Variants in NOTCH3 observed in about 807,000 individuals in gnomAD.
NOTCH3 encodes notch receptor 3.
NOTCH3 carries 86 observed loss-of-function variants against 213.3 expected under a neutral mutation model. The ratio of observed to expected loss-of-function variants is 0.40; its 90% CI spans 0.34 to 0.48. NOTCH3 has a LOEUF of 0.48. NOTCH3 is among the 20% of genes least tolerant of loss of function. NOTCH3 has a pLI of 0.57. For missense variants in NOTCH3, 2,783 were observed against 3,272.6 expected, an observed-to-expected ratio of 0.85 and a Z score of 3.65; for synonymous variants, 1,354 against 1,355.9, an observed-to-expected ratio of 1.00 and a Z score of 0.03.
intron 19 of NOTCH3, 114 bp from the exon 20 acceptor site, chr19:15,180,370 A>C: frequency 8.5e-7 from 1 of 1,179,932 alleles, no homozygotes; most frequent in African/African-American, 1.5e-5. Context: ...GATCGCACCC[A>C]CACTCCATCA....
In NOTCH3 at chr19:15,180,665, A is replaced by C. The variant is rs2145421357; in HGVS notation, c.3142+16T>G. ...TTCCCAAGGCCCCACACGCCCGCCC[A>C]CATGCTCCCACTCACCGATCTGGGC... On this transcript the variant is annotated intron_variant, in intron 19 of 32. Transcript: ENST00000263388. 1.3e-6 allele frequency: 2 copies of C among 1,547,744 alleles called. No homozygotes were observed. Among genetic ancestry groups the C allele is most frequent in the Non-Finnish European group, 1.7e-6 (2 of 1,148,478 alleles).
At chr19:15,166,747 C>T (rs144017621) in intron 29 of NOTCH3, among the ~76,000 whole-genome samples, 12 of 152,322 alleles carry the variant, frequency 7.9e-5, no homozygotes, top group African/African-American at 2.9e-4. Context: ...TCTTAGGGAG[C>T]CACTTGCATC....
At chr19:15,197,441 G>GCCGCGC in intron 2 of NOTCH3, 59 bp downstream of exon 2, 1 of 768,364 alleles carries the variant, frequency 1.3e-6, no homozygotes. Flanking sequence ...AAGACAAATC[G>GCCGCGC]CCCCTCCCCC....
At chr19:15,173,104 CTTT>C (rs1162467192) in intron 25 of NOTCH3, among the ~76,000 whole-genome samples, 3 of 19,252 alleles carry the variant, frequency 1.6e-4, no homozygotes, top group African/African-American at 1.1e-3. Flanking sequence ...TCTTCTTCTT[CTTT>C]TTTTTTTTTT....
rs2046833376 is a variant in NOTCH3, at chr19:15,180,782, C to A, written c.3041G>T (p.Arg1014Leu). Residue 1014 changes from arginine to leucine, a missense_variant, in exon 19 of 33, where the codon CGC becomes CTC. This residue lies in a region of NOTCH3 where 861 missense variants were observed against 909.1 expected (regional missense o/e 0.95). Transcript: ENST00000263388. ...GCAATAGGCCCCAGTCTGGACGCAG[C>A]GACCCCCGTTTTGACAAGGCTGGCG... is the stretch of plus-strand genomic sequence containing the variant. Reference protein sequence around the residue: ...CSRQPCQNGGRCVQTGAYCLC... With the variant: ...CSRQPCQNGGLCVQTGAYCLC... 6.2e-7 allele frequency: 1 copy of A among 1,608,382 alleles called. No individual in the cohort carries two copies. Among genetic ancestry groups the A allele is most frequent in the Non-Finnish European group, 8.5e-7 (1 of 1,177,904 alleles).
At chr19:15,177,003 CGGA>C (rs2145413425) in intron 24 of NOTCH3, among the ~76,000 whole-genome samples, 1 of 140,198 alleles carries the variant, frequency 7.1e-6, no homozygotes, top group East Asian at 2.3e-4. Flanking sequence ...ACCCGGGAGG[CGGA>C]GGTTGCAGTG....
chr19:15,176,264 G>T (rs2046789337), intron 24 of NOTCH3, among the ~76,000 whole-genome samples: 1 of 150,830 alleles, frequency 6.6e-6, no homozygotes, highest in Admixed American at 6.6e-5. Flanking sequence ...CACCTCCCAG[G>T]TTCAAGCAAT....
intron 31 of NOTCH3, 39 bp from the exon 32 acceptor site, chr19:15,162,601 T>C: frequency 6.5e-7 from 1 of 1,538,298 alleles, no homozygotes. Context: ...ACCAGGCACC[T>C]GTCCTGGGGC....
At chr19:15,176,623 C>T (rs1201413766) in intron 24 of NOTCH3, among the ~76,000 whole-genome samples, 1 of 151,736 alleles carries the variant, frequency 6.6e-6, no homozygotes, top group African/African-American at 2.4e-5. Flanking sequence ...GTTACCCGGG[C>T]GCGGTGGCTC....
rs2046925676 is a variant in NOTCH3 at position 15,191,450 on chromosome 19, T to C, written c.1010A>G (p.Tyr337Cys). The C allele has an allele frequency of 1.2e-6, 2 of 1,613,228 alleles. No homozygotes were observed. Among genetic ancestry groups the C allele is most frequent in the Non-Finnish European group, 1.7e-6 (2 of 1,179,988 alleles). Reference sequence around the variant, plus strand: ...AGTCTTGCCCATGGGGCAGGCACAGTAGAAAGAAGCCACGCGGTCATGGCA... The same window carrying C: ...AGTCTTGCCCATGGGGCAGGCACAGCAGAAAGAAGCCACGCGGTCATGGCA... ...ATCHDRVASF[Y>C]CACPMGKTGL... The change falls in exon 6 of 33, where the codon TAC becomes TGC. Residue 337 changes from tyrosine to cysteine, a missense_variant. Physicochemically the swap from Tyr to Cys is radical, Grantham distance 194. Transcript: ENST00000263388.
intron 2 of NOTCH3, among the ~76,000 whole-genome samples, chr19:15,192,937 C>G (rs192566614): frequency 3.7e-4 from 57 of 152,052 alleles, no homozygotes; most frequent in African/African-American, 1.4e-3. Flanking sequence ...CAAAACAAAA[C>G]ACACATTCAT....
chr19:15,178,917 G>T lies in NOTCH3; in HGVS notation c.3743C>A (p.Ser1248Tyr). 6.2e-7 allele frequency: 1 copy of T among 1,613,692 alleles called. No homozygotes were observed. Among genetic ancestry groups the T allele is most frequent in the African/African-American group, 1.3e-5 (1 of 75,050 alleles). Residue 1248 changes from serine (S) to tyrosine (Y), a missense_variant, in exon 23 of 33, where the codon TCT becomes TAT. Physicochemically the swap from Ser to Tyr is moderately radical, Grantham distance 144. Around this residue, in one of 6 missense-constraint regions of NOTCH3, gnomAD observed 861 missense variants for 909.1 expected, o/e 0.95. Coordinates refer to ENST00000263388, the MANE Select transcript of NOTCH3 (RefSeq NM_000435.3). ...CTGGCATGGCTGGGACTCGCAGGGA[G>T]ACAGGACAGTCTGACAGCGAGGACC... ...FSGPRCQTVL[S>Y]PCESQPCQHG...
At position 15,185,160 on chromosome 19, in the gene NOTCH3, A is replaced by G. The variant is rs1045762255; in HGVS notation, c.2296+97T>C. ...CTGGAGGGAAATGATTGAAAGCAAA[A>G]AAGAAGCTAACATAGCGGGAGGAGA... On this transcript the variant is annotated intron_variant, in intron 14 of 32. Coordinates refer to ENST00000263388, the MANE Select transcript of NOTCH3 (RefSeq NM_000435.3). This position sits in a 1 kb window ranked among gnomAD's most constrained non-coding sequence, Gnocchi z 4.2. 3.3e-6 allele frequency: 5 copies of G among 1,523,532 alleles called. No homozygotes were observed. The highest frequency in any genetic ancestry group is 1.9e-4 in the Middle Eastern group (1 of 5,234). The allele number at this position is 1,523,532 out of a possible 1,614,324, so 94.4% of individuals were successfully genotyped here. A position where few individuals can be genotyped will look rare whatever the true frequency, so the allele number is the denominator to read the frequency against.
intron 29 of NOTCH3, 102 bp from the exon 30 acceptor site, chr19:15,166,193 A>AACT: frequency 1.0e-6 from 1 of 1,002,344 alleles, no homozygotes; most frequent in Non-Finnish European, 1.5e-6. Context: ...CACATGGAAA[A>AACT]ATGACAATTA....
At chr19:15,168,470 T>C (rs2046703642) in intron 28 of NOTCH3, among the ~76,000 whole-genome samples, 3 of 152,140 alleles carry the variant, frequency 2.0e-5, no homozygotes, top group Admixed American at 2.0e-4. Context: ...TTTATGTGCA[T>C]TAGAGACATT....
intron 16 of NOTCH3, among the ~76,000 whole-genome samples, chr19:15,183,060 A>G (rs1266012420): frequency 6.6e-6 from 1 of 152,142 alleles, no homozygotes; most frequent in East Asian, 1.9e-4. Context: ...AGACCAGCCT[A>G]GACAACGCAG....
In NOTCH3 at chr19:15,181,564, G is replaced by C. The variant is rs2145423764; in HGVS notation, c.2792+12C>G. The stretch of plus-strand genomic sequence containing the variant: ...CCAGAGTCCCTGCTCTCCAAGCAGA[G>C]GCCCCGCCCACCTGGGGCTGCAGTC... On this transcript the variant is annotated intron_variant, in intron 17 of 32. Transcript: ENST00000263388. 3.2e-6 allele frequency: 5 copies of C among 1,548,408 alleles called. No homozygotes were observed. The East Asian group carries it at 1.2e-4, about 38-fold the overall frequency.
chr19:15,186,385 G>A (rs756538728), intron 12 of NOTCH3, among the ~76,000 whole-genome samples: 1 of 4,406 alleles, frequency 2.3e-4, no homozygotes, highest in Non-Finnish European at 7.1e-4. Context: ...TTGTATGTGT[G>A]TGTGTGTGTG....
intron 2 of NOTCH3, among the ~76,000 whole-genome samples, chr19:15,196,983 G>A (rs1393552420): frequency 6.6e-6 from 1 of 152,084 alleles, no homozygotes; most frequent in East Asian, 1.9e-4. Flanking sequence ...TATTTCACAG[G>A]TGCAATGATG....
Sources: gnomAD v4.1 joint callset for allele counts (sites outside exome capture counted in the v4.1 genomes callset) on GRCh38, gnomAD v4.1.1 for gene constraint, gnomAD v4.1.1 regional missense constraint, Gnocchi (gnomAD v3.1) non-coding constraint, MANE v1.5 for transcripts, NCBI Gene and HGNC (gene_info 2026-07-23, HGNC 2026-07-21) for gene names.